PDE4D: variants seen among roughly 807,000 people sequenced by gnomAD.
PDE4D encodes the protein 3',5'-cyclic-AMP phosphodiesterase 4D.
A neutral mutation model predicts 87.4 loss-of-function variants in PDE4D; 24 were observed. The observed-to-expected ratio is 0.27, with a 90% CI of 0.20 to 0.39. The LOEUF is 0.39. PDE4D is among the 10% of genes least tolerant of loss of function. PDE4D has a pLI of 1.00. For missense variants in PDE4D, 714 were observed against 1,041.0 expected, an observed-to-expected ratio of 0.69 and a Z score of 4.32; for synonymous variants, 384 against 383.2, an observed-to-expected ratio of 1.00 and a Z score of -0.02.
chr5:59,346,226 T>G (rs1388032939), intron 1 of PDE4D, among the ~76,000 whole-genome samples: 1 of 152,162 alleles, frequency 6.6e-6, no homozygotes, highest in East Asian at 1.9e-4. Flanking sequence ...AGGGGTCCCC[T>G]TGGGAGCTGG....
chr5:59,295,093 T>A (rs1354331170), intron 1 of PDE4D, among the ~76,000 whole-genome samples: 1 of 152,188 alleles, frequency 6.6e-6, no homozygotes, highest in Non-Finnish European at 1.5e-5. Flanking sequence ...TCCCCATTTA[T>A]CTTTTTTTCT....
chr5:59,001,749 T>C (rs768252410), intron 6 of PDE4D, among the ~76,000 whole-genome samples: 13 of 152,234 alleles, frequency 8.5e-5, no homozygotes, highest in Non-Finnish European at 1.8e-4. Flanking sequence ...AATGCCCTGC[T>C]AGTCACGACA....
intron 1 of PDE4D, among the ~76,000 whole-genome samples, chr5:59,630,291 T>G (rs1396591039): frequency 6.6e-6 from 1 of 152,218 alleles, no homozygotes; most frequent in African/African-American, 2.4e-5. Flanking sequence ...TTTTCCCCAC[T>G]ACCTTCCCTT....
intron 1 of PDE4D, among the ~76,000 whole-genome samples, chr5:59,605,741 C>T (rs781271527): frequency 2.0e-5 from 3 of 152,040 alleles, no homozygotes; most frequent in Non-Finnish European, 4.4e-5. Flanking sequence ...ATCAGCAAAG[C>T]GTACCTCTGG....
intron 3 of PDE4D, among the ~76,000 whole-genome samples, chr5:59,935,909 A>G (rs1393928630): frequency 6.6e-6 from 1 of 152,246 alleles, no homozygotes; most frequent in Non-Finnish European, 1.5e-5. Context: ...TAGTGCCACA[A>G]TAAACATACC....
intron 1 of PDE4D, among the ~76,000 whole-genome samples, chr5:60,518,877 C>T (rs922549390): frequency 2.0e-5 from 3 of 152,186 alleles, no homozygotes; most frequent in African/African-American, 7.2e-5. Context: ...GGAAATACAG[C>T]AAAATGGCTG....
chr5:60,520,518 T>C (rs1750990104), intron 1 of PDE4D, among the ~76,000 whole-genome samples: 2 of 152,204 alleles, frequency 1.3e-5, no homozygotes, highest in Admixed American at 1.3e-4. Context: ...TTGATTTTCC[T>C]CCTCATTCAC....
chr5:60,448,409 C>T (rs1039964999), intron 1 of PDE4D, among the ~76,000 whole-genome samples: 2 of 152,146 alleles, frequency 1.3e-5, no homozygotes, highest in African/African-American at 4.8e-5. Flanking sequence ...GTCTGCCCTG[C>T]ACATAACATA....
intron 1 of PDE4D, among the ~76,000 whole-genome samples, chr5:59,619,016 T>A (rs1289975073): frequency 6.6e-6 from 1 of 152,164 alleles, no homozygotes; most frequent in African/African-American, 2.4e-5. Context: ...GGTATTTTGT[T>A]ATAGCAACAC....
chr5:59,583,727 G>C (rs1171605538), intron 1 of PDE4D, among the ~76,000 whole-genome samples: 1 of 152,202 alleles, frequency 6.6e-6, no homozygotes, highest in African/African-American at 2.4e-5. Context: ...CCCTAGGGCA[G>C]GTGGATGAGA....
chr5:59,637,298 G>A (rs1438884391), intron 1 of PDE4D, among the ~76,000 whole-genome samples: 2 of 152,178 alleles, frequency 1.3e-5, no homozygotes, highest in African/African-American at 4.8e-5. Context: ...CTGTTGGTGG[G>A]AGTGTAAATT....
At chr5:59,716,530 C>T (rs911164636) in intron 1 of PDE4D, among the ~76,000 whole-genome samples, 3 of 152,210 alleles carry the variant, frequency 2.0e-5, no homozygotes, top group Admixed American at 2.0e-4. Context: ...AGGAATTGAG[C>T]ATCGTATAGG....
chr5:59,767,186 T>C (rs1762903831), intron 1 of PDE4D, among the ~76,000 whole-genome samples: 1 of 152,222 alleles, frequency 6.6e-6, no homozygotes, highest in African/African-American at 2.4e-5. Context: ...GTACATACTG[T>C]TTAGTTAGTT....
At chr5:59,768,139 G>T (rs147382462) in intron 1 of PDE4D, 3 of 1,338,500 alleles carry the variant, frequency 2.2e-6, no homozygotes, top group Non-Finnish European at 3.1e-6. Flanking sequence ...AATCCCCGGT[G>T]AGGAATGATG....
chr5:59,675,775 G>A (rs777934512), intron 1 of PDE4D, among the ~76,000 whole-genome samples: 2 of 151,974 alleles, frequency 1.3e-5, no homozygotes, highest in African/African-American at 4.8e-5. Context: ...CTGTAGTCTC[G>A]ACCTCCCAGG....
chr5:59,846,476 G>T (rs1743869706), intron 1 of PDE4D, among the ~76,000 whole-genome samples: 1 of 152,030 alleles, frequency 6.6e-6, no homozygotes, highest in African/African-American at 2.4e-5. Context: ...TTAGGTTTGA[G>T]GTGGGGCCTT....
At chr5:59,339,890 A>C (rs1249422564) in intron 1 of PDE4D, among the ~76,000 whole-genome samples, 1 of 151,606 alleles carries the variant, frequency 6.6e-6, no homozygotes, top group Non-Finnish European at 1.5e-5. Context: ...TCACTCTAGC[A>C]TTTACTTTTC....
chr5:60,160,801 A>T (rs1782411977), intron 2 of PDE4D: 1 of 453,452 alleles, frequency 2.2e-6, no homozygotes, highest in East Asian at 7.0e-5. Context: ...TCCTCTCCAC[A>T]TCTCTTACTT....
intron 1 of PDE4D, among the ~76,000 whole-genome samples, chr5:59,871,036 C>G (rs944160059): frequency 6.6e-6 from 1 of 152,190 alleles, no homozygotes; most frequent in Non-Finnish European, 1.5e-5. Context: ...CTAAGATGAT[C>G]TCCAATAGCT....
Sources: gnomAD v4.1 joint callset for allele counts (sites outside exome capture counted in the v4.1 genomes callset) on GRCh38, gnomAD v4.1.1 for gene constraint, MANE v1.5 for transcripts, NCBI Gene and HGNC (gene_info 2026-07-23, HGNC 2026-07-21) for gene names.